Variants in SNCG observed in about 807,000 individuals in gnomAD.
The protein encoded by SNCG is gamma-synuclein.
SNCG carries 13 observed loss-of-function variants against 16.0 expected under a neutral mutation model. The ratio of observed to expected loss-of-function variants is 0.81; its 90% CI spans 0.53 to 1.29. The LOEUF is 1.29. SNCG is among the 50% of genes most tolerant of loss of function. The probability of loss-of-function intolerance (pLI) is 0.00; values close to 1 mark genes in which losing one functional copy is unlikely to be tolerated. For missense variants in SNCG, 154 were observed against 168.5 expected (o/e 0.91, Z 0.48); for synonymous variants, 66 against 66.3 (o/e 1.00, Z 0.02).
intron 3 of SNCG, among the ~76,000 whole-genome samples, chr10:86,961,877 C>T (rs1260540560): frequency 6.6e-6 from 1 of 152,232 alleles, no homozygotes; most frequent in African/African-American, 2.4e-5. Context: ...TCCCCCCCGT[C>T]CCCCGCCAGA....
upstream of SNCG, chr10:86,958,351 A>G: frequency 4.1e-6 from 4 of 985,416 alleles, no homozygotes; most frequent in Non-Finnish European, 3.6e-6. Flanking sequence ...GCAGGGCAGT[A>G]AATGAATGAG....
rs113805468 is a variant in SNCG, at chr10:86,958,610, C to A, written c.-88C>A. The A allele has an allele frequency of 1.3e-6, 2 of 1,558,370 alleles. No individual in the cohort carries two copies. The highest frequency in any genetic ancestry group is 1.1e-5 in the South Asian group (1 of 87,372). On this transcript the variant is annotated 5_prime_UTR_variant, in exon 1 of 5. Coordinates refer to ENST00000372017, the MANE Select transcript of SNCG (RefSeq NM_003087.3). ...TAGGAGGCATCGGGGACAGCCGCTG[C>A]GGCAGCACTCGAGCCAGCTCAAGCC...
intron 3 of SNCG, among the ~76,000 whole-genome samples, chr10:86,961,935 C>T (rs1449742006): frequency 6.6e-6 from 1 of 152,228 alleles, no homozygotes; most frequent in Non-Finnish European, 1.5e-5. Context: ...TGTGGTCCTA[C>T]ACACCCAGCT....
Position 86,958,721 on chromosome 10 carries a change from C to T in SNCG, c.24C>T (p.Phe8=), listed in dbSNP as rs1844281275. Residue 8 remains phenylalanine (F), a synonymous_variant, in exon 1 of 5, where the codon TTC becomes TTT. Coordinates refer to ENST00000372017, the MANE Select transcript of SNCG (RefSeq NM_003087.3). MDVFKKG[F]SIAKEGVVGA... is the part of the protein sequence containing the mutation. ...CCATGGATGTCTTCAAGAAGGGCTT[C>T]TCCATCGCCAAGGAGGGCGTGGTGG... 29 of 1,613,976 alleles carry T rather than the reference C, an allele frequency of 1.8e-5. No homozygotes were observed. Among genetic ancestry groups the T allele is most frequent in the African/African-American group, 4.0e-5 (3 of 74,950 alleles).
At chr10:86,957,704 C>A, upstream of SNCG, 1 of 1,310,316 alleles carries the variant, frequency 7.6e-7, no homozygotes, top group Non-Finnish European at 1.0e-6. Context: ...TCTTGTCCTG[C>A]CCCCCAACTA....
Position 86,960,069 on chromosome 10 carries a change from G to A in SNCG, c.232G>A (p.Ala78Thr), listed in dbSNP as rs1210827374. The A allele has an allele frequency of 6.2e-7, 1 of 1,613,206 alleles. No individual in the cohort carries two copies. The highest frequency in any genetic ancestry group is 2.2e-5 in the East Asian group (1 of 44,884). Residue 78 changes from alanine to threonine, a missense_variant, in exon 3 of 5, where the codon GCC (alanine) becomes ACC (threonine). By Grantham distance (58) the Ala-to-Thr change is moderately conservative (BLOSUM62 0). Coordinates refer to ENST00000372017, the MANE Select transcript of SNCG (RefSeq NM_003087.3). ...TGTGGTGAGCAGCGTCAACACTGTG[G>A]CCACCAAGACCGTGGAGGAGGCGGA... ...EAVVSSVNTV[A>T]TKTVEEAENI...
chr10:86,956,397 A>T (rs536251598), upstream of SNCG, among the ~76,000 whole-genome samples: 1 of 152,304 alleles, frequency 6.6e-6, no homozygotes, highest in Non-Finnish European at 1.5e-5. Flanking sequence ...CCGCTCTGCG[A>T]TGGTGGCTCT....
upstream of SNCG, chr10:86,958,232 G>T: frequency 1.0e-6 from 1 of 968,900 alleles, no homozygotes; most frequent in African/African-American, 1.8e-5. Context: ...AGGAAGCTGG[G>T]GACAATGGCC....
chr10:86,960,573 T>C (rs1830952325), intron 3 of SNCG, among the ~76,000 whole-genome samples: 1 of 152,136 alleles, frequency 6.6e-6, no homozygotes, highest in African/African-American at 2.4e-5. Flanking sequence ...TGCCTCCTGC[T>C]GGGAGCCTCA....
upstream of SNCG, among the ~76,000 whole-genome samples, chr10:86,956,711 G>T (rs1037313220): frequency 2.0e-5 from 3 of 152,258 alleles, no homozygotes; most frequent in African/African-American, 4.8e-5. Context: ...GCCTGGCCCT[G>T]AGACTGGGGG....
At position 86,963,045 on chromosome 10, in the gene SNCG, C is replaced by G; in HGVS notation, c.*60C>G. On this transcript the variant is annotated 3_prime_UTR_variant, in exon 5 of 5. Transcript: ENST00000372017. ...GCTCCTCTGCCTTGGACACCATCCC[C>G]TCCTAGCACAAGGAGTGCCCGCCTT... 6.5e-7 allele frequency: 1 copy of G among 1,531,862 alleles called. No individual in the cohort carries two copies. The highest frequency in any genetic ancestry group is 8.9e-7 in the Non-Finnish European group (1 of 1,128,640). The allele number at this position is 1,531,862 out of a possible 1,614,324, so 94.9% of individuals were successfully genotyped here. A position where few individuals can be genotyped will look rare whatever the true frequency, so the allele number is the denominator to read the frequency against.
chr10:86,960,679 G>C (rs952442209), intron 3 of SNCG, among the ~76,000 whole-genome samples: 11 of 152,190 alleles, frequency 7.2e-5, no homozygotes, highest in African/African-American at 2.7e-4. Context: ...TGTTGAGTGA[G>C]CATGTGGGTG....
upstream of SNCG, among the ~76,000 whole-genome samples, chr10:86,955,836 A>C (rs1406526825): frequency 6.6e-6 from 1 of 152,046 alleles, no homozygotes; most frequent in Non-Finnish European, 1.5e-5. Context: ...GGCTTGGGAC[A>C]CCTGGGCATT....
rs111404092 is a variant in SNCG at position 86,959,527 on chromosome 10, C to T, written c.122-106C>T. 2.4e-3 allele frequency: 2,316 copies of T among 955,256 alleles called. 44 individuals are homozygous for T. In the African/African-American group the frequency reaches 0.033, roughly 14 times the overall value. 59.2% of individuals were successfully genotyped at this position (955,256 alleles called of 1,614,324 possible). ...CGCCGGCCCCCAGACACCATCCTTA[C>T]CCCCCCACCGACCCCACAGTTTGTC... On this transcript the variant is annotated intron_variant, in intron 1 of 4. Transcript: ENST00000372017. The surrounding 1 kb of genome is among the most constrained non-coding windows in gnomAD (Gnocchi z 4.3).
intron 3 of SNCG, among the ~76,000 whole-genome samples, chr10:86,961,418 G>A (rs554437905): frequency 6.6e-6 from 1 of 152,042 alleles, no homozygotes; most frequent in Non-Finnish European, 1.5e-5. Flanking sequence ...TGGTCTATGT[G>A]AGCACCCAGC....
chr10:86,960,009 A>C lies in SNCG; in HGVS notation c.172A>C (p.Lys58Gln). ...VVQSVTSVAE[K>Q]TKEQANAVSE... ...CCAGTGTCCTCCCATAGTGGCCGAG[A>C]AGACCAAGGAGCAGGCCAACGCCGT... The change falls in exon 3 of 5, where the codon AAG (lysine) becomes CAG (glutamine). Residue 58 changes from lysine (K) to glutamine (Q), a missense_variant. Lys to Gln is a moderately conservative substitution (Grantham distance 53). Coordinates refer to ENST00000372017, the MANE Select transcript of SNCG (RefSeq NM_003087.3). 6.2e-7 allele frequency: 1 copy of C among 1,600,740 alleles called. No individual in the cohort carries two copies. Among genetic ancestry groups the C allele is most frequent in the Non-Finnish European group, 8.5e-7 (1 of 1,174,622 alleles).
intron 3 of SNCG, among the ~76,000 whole-genome samples, chr10:86,961,215 A>C (rs759574060): frequency 6.6e-6 from 1 of 152,158 alleles, no homozygotes; most frequent in Non-Finnish European, 1.5e-5. Flanking sequence ...TTCCAGGGCC[A>C]GCACAGGGTC....
At chr10:86,956,581 C>T (rs1844236240), upstream of SNCG, among the ~76,000 whole-genome samples, 1 of 152,350 alleles carries the variant, frequency 6.6e-6, no homozygotes, top group Middle Eastern at 3.4e-3. Flanking sequence ...TGAAGTCAAA[C>T]TCAGATCCTG....
Position 86,959,624 on chromosome 10 carries a change from C to T in SNCG, c.122-9C>T, listed in dbSNP as rs772649345. ...GAGGTCTGGGCTGACAGCTCCATTT[C>T]CTCCCCAGGAGCCAAGACCAAGGAG... On this transcript the variant is annotated splice_polypyrimidine_tract_variant and intron_variant, in intron 1 of 4. Transcript: ENST00000372017. This position sits in a 1 kb window ranked among gnomAD's most constrained non-coding sequence, Gnocchi z 4.3. 5.0e-6 allele frequency: 8 copies of T among 1,613,610 alleles called. No homozygotes were observed. In the Admixed American group the frequency reaches 5.0e-5, roughly 10 times the overall value.
Sources: allele counts gnomAD v4.1 joint callset (sites outside exome capture counted in the v4.1 genomes callset), GRCh38; gene constraint gnomAD v4.1.1; non-coding constraint Gnocchi (gnomAD v3.1); transcripts MANE v1.5; gene names NCBI Gene and HGNC (gene_info 2026-07-23, HGNC 2026-07-21).